The following MACROD2 variants were observed in gnomAD, a reference collection of about 807,000 sequenced individuals.
The protein encoded by MACROD2 is mono-ADP ribosylhydrolase 2, also known as ADP-ribose glycohydrolase MACROD2.
MACROD2 carries 36 observed loss-of-function variants against 70.4 expected under a neutral mutation model. The ratio of observed to expected loss-of-function variants is 0.51; its 90% confidence interval spans 0.39 to 0.68. The LOEUF is 0.68. Ranked by LOEUF, MACROD2 falls within the 30% of genes least tolerant of loss-of-function variation. MACROD2 has a pLI of 0.00. For missense variants in MACROD2, 496 were observed against 538.4 expected, an observed-to-expected ratio of 0.92 and a Z score of 0.78; for synonymous variants, 172 against 178.8, an observed-to-expected ratio of 0.96 and a Z score of 0.30.
intron 3 of MACROD2, among the ~76,000 whole-genome samples, chr20:14,446,703 C>G (rs1416375501): frequency 4.6e-5 from 7 of 152,060 alleles, no homozygotes; most frequent in East Asian, 1.9e-4. Context: ...TGTAAGAATT[C>G]TCTCAGAGTA....
intron 5 of MACROD2, among the ~76,000 whole-genome samples, chr20:15,093,803 C>T (rs74988796): frequency 0.21 from 31,637 of 152,064 alleles, 4,567 homozygotes; most frequent in Non-Finnish European, 0.31. Flanking sequence ...GTAGAGGGAG[C>T]AATGGAAAAC....
At chr20:14,673,011 A>G (rs1367938888) in intron 4 of MACROD2, among the ~76,000 whole-genome samples, 3 of 152,216 alleles carry the variant, frequency 2.0e-5, no homozygotes, top group African/African-American at 7.2e-5. Context: ...CCATGCATCA[A>G]GCGGCTCCTT....
intron 8 of MACROD2, among the ~76,000 whole-genome samples, chr20:15,799,328 G>C (rs2063702884): frequency 1.3e-5 from 2 of 152,120 alleles, no homozygotes; most frequent in South Asian, 4.2e-4. Flanking sequence ...TTTTTAATTA[G>C]GTAATAATTT....
chr20:14,992,419 A>G (rs998493130), intron 5 of MACROD2, among the ~76,000 whole-genome samples: 3 of 152,086 alleles, frequency 2.0e-5, no homozygotes, highest in Admixed American at 2.0e-4. Context: ...TAACACAAAA[A>G]CTCAGTTGCT....
intron 3 of MACROD2, among the ~76,000 whole-genome samples, chr20:14,160,739 A>AT (rs1387382367): frequency 6.7e-6 from 1 of 150,212 alleles, no homozygotes; most frequent in Non-Finnish European, 1.5e-5. Context: ...GATTTTTATT[A>AT]TTTTTTCTTC....
chr20:14,784,681 G>GGGGGCC (rs2072345783), intron 5 of MACROD2, among the ~76,000 whole-genome samples: 1 of 108,384 alleles, frequency 9.2e-6, no homozygotes. Context: ...GGGGGGGGGG[G>GGGGGCC]CACCAGATTC....
At chr20:14,535,471 C>G (rs555972981) in intron 4 of MACROD2, among the ~76,000 whole-genome samples, 107 of 132,814 alleles carry the variant, frequency 8.1e-4, no homozygotes, top group Non-Finnish European at 1.4e-3. Flanking sequence ...CGCCATTGTA[C>G]TCCAGCCTGT....
intron 3 of MACROD2, among the ~76,000 whole-genome samples, chr20:14,277,032 T>A (rs940950296): frequency 2.6e-5 from 4 of 152,186 alleles, no homozygotes; most frequent in African/African-American, 7.2e-5. Context: ...AGAGTTACAA[T>A]TGGCTGGGCT....
At chr20:14,849,399 G>A (rs569424841) in intron 5 of MACROD2, among the ~76,000 whole-genome samples, 56 of 152,254 alleles carry the variant, frequency 3.7e-4, no homozygotes, top group African/African-American at 1.1e-3. Flanking sequence ...TGTTGATGTT[G>A]CGACTCTAAC....
intron 3 of MACROD2, among the ~76,000 whole-genome samples, chr20:14,092,767 C>G (rs1023806736): frequency 1.3e-5 from 2 of 152,124 alleles, no homozygotes; most frequent in African/African-American, 4.8e-5. Flanking sequence ...GCACAGTTCT[C>G]GCACAAAATA....
intron 5 of MACROD2, chr20:14,850,204 T>C (rs1409507100): frequency 3.4e-6 from 1 of 297,912 alleles, no homozygotes; most frequent in Non-Finnish European, 6.6e-6. Context: ...AAGATAAGAC[T>C]GGAAGATGAA....
At chr20:15,890,774 G>A (rs2064878751) in intron 10 of MACROD2, among the ~76,000 whole-genome samples, 1 of 152,010 alleles carries the variant, frequency 6.6e-6, no homozygotes, top group South Asian at 2.1e-4. Flanking sequence ...TAATAAATGG[G>A]AAATGAGAAA....
At chr20:14,432,862 AC>A (rs1225533894) in intron 3 of MACROD2, among the ~76,000 whole-genome samples, 1 of 152,118 alleles carries the variant, frequency 6.6e-6, no homozygotes, top group East Asian at 1.9e-4. Flanking sequence ...GATGTATTTT[AC>A]TTATTGTTAA....
chr20:14,154,552 A>ATTTTTTTTTTTTTTTT (rs869299523), intron 3 of MACROD2, among the ~76,000 whole-genome samples: 2 of 106,642 alleles, frequency 1.9e-5, no homozygotes, highest in Non-Finnish European at 3.8e-5. Flanking sequence ...CGCCCGGCTA[A>ATTTTTTTTTTTTTTTT]TTTTTTTTTT....
chr20:15,070,511 G>A (rs934378110), intron 5 of MACROD2, among the ~76,000 whole-genome samples: 12 of 152,080 alleles, frequency 7.9e-5, no homozygotes, highest in African/African-American at 2.9e-4. Context: ...TGGAGGCAAG[G>A]TCTAGTGGGG....
rs2075802712 is a variant in MACROD2, at chr20:15,092,908, GT to G, written c.419-137028del. Among the ~76,000 whole-genome samples, 3 of 152,278 alleles carry G rather than the reference GT, an allele frequency of 2.0e-5. No individual in the cohort carries two copies. In the South Asian group the frequency reaches 6.2e-4, roughly 32 times the overall value. ...AATAAGTGCTAAGTGAAGCAGGAAT[GT>G]TTTAATGGCATGAGGCCCTACACAC... is the stretch of plus-strand genomic sequence containing the variant. On this transcript the variant is annotated intron_variant, in intron 5 of 17. Transcript: ENST00000684519.
At chr20:14,180,916 A>G (rs2081300130) in intron 3 of MACROD2, among the ~76,000 whole-genome samples, 1 of 151,648 alleles carries the variant, frequency 6.6e-6, no homozygotes, top group Admixed American at 6.6e-5. Context: ...CTAGTAATTT[A>G]GTAAGGATAT....
intron 4 of MACROD2, among the ~76,000 whole-genome samples, chr20:14,584,188 C>T (rs1415719501): frequency 1.3e-5 from 2 of 152,150 alleles, no homozygotes; most frequent in African/African-American, 4.8e-5. Flanking sequence ...ACCTCATTTA[C>T]CCAGCAGCGT....
At chr20:14,370,890 G>A (rs2122745103) in intron 3 of MACROD2, among the ~76,000 whole-genome samples, 1 of 152,108 alleles carries the variant, frequency 6.6e-6, no homozygotes, top group East Asian at 1.9e-4. Flanking sequence ...ACATTATAGT[G>A]TAAATGTGCA....
Sources: allele counts gnomAD v4.1 joint callset (sites outside exome capture counted in the v4.1 genomes callset), GRCh38; gene constraint gnomAD v4.1.1; transcripts MANE v1.5; gene names NCBI Gene and HGNC (gene_info 2026-07-23, HGNC 2026-07-21).